KCNQ5: variants seen among roughly 807,000 people sequenced by gnomAD.
KCNQ5 encodes potassium voltage-gated channel subfamily KQT member 5.
Under a neutral mutation model 98.2 loss-of-function variants are expected in KCNQ5, and 30 were observed. The ratio of observed to expected loss-of-function variants is 0.31; its 90% CI spans 0.23 to 0.41. The LOEUF (loss-of-function observed/expected upper bound fraction) is 0.41, where lower values mean the gene tolerates loss of function less well. KCNQ5 is among the 10% of genes least tolerant of loss of function. The pLI is 1.00. For synonymous variants in KCNQ5, 458 were observed against 449.4 expected, an observed-to-expected ratio of 1.02 and a Z score of -0.24; for missense variants, 835 against 1,182.5, an observed-to-expected ratio of 0.71 and a Z score of 4.31.
chr6:73,035,200 T>A (rs7773521), intron 2 of KCNQ5, among the ~76,000 whole-genome samples: 1 of 151,990 alleles, frequency 6.6e-6, no homozygotes. Flanking sequence ...ATAAGAAAAT[T>A]CTTCTATGTT....
At chr6:73,090,642 T>C (rs112318467) in intron 5 of KCNQ5, among the ~76,000 whole-genome samples, 3 of 152,244 alleles carry the variant, frequency 2.0e-5, no homozygotes, top group Admixed American at 6.5e-5. Context: ...TAGCCAATTA[T>C]CCCAGCACCA....
chr6:73,095,240 T>A (rs762035227), intron 5 of KCNQ5, among the ~76,000 whole-genome samples: 26 of 152,202 alleles, frequency 1.7e-4, no homozygotes, highest in Non-Finnish European at 3.5e-4. Flanking sequence ...GCATTTTGCA[T>A]TTCTATAAGG....
intron 3 of KCNQ5, among the ~76,000 whole-genome samples, chr6:73,045,804 C>T (rs76192998): frequency 0.016 from 2,497 of 152,132 alleles, 62 homozygotes; most frequent in African/African-American, 0.056. Context: ...TCCTTGGTGA[C>T]GCTTTCCAAA....
At chr6:73,059,037 A>G (rs548438728) in intron 3 of KCNQ5, among the ~76,000 whole-genome samples, 2 of 152,366 alleles carry the variant, frequency 1.3e-5, no homozygotes, top group East Asian at 1.9e-4. Context: ...TGGAATTACC[A>G]TTTGACCCAG....
At chr6:72,792,857 C>T (rs1224537055) in intron 1 of KCNQ5, among the ~76,000 whole-genome samples, 1 of 152,012 alleles carries the variant, frequency 6.6e-6, no homozygotes, top group Non-Finnish European at 1.5e-5. Flanking sequence ...GACAGTAATA[C>T]CAGAGGAATT....
intron 10 of KCNQ5, among the ~76,000 whole-genome samples, chr6:73,149,531 C>T (rs1777058848): frequency 6.6e-6 from 1 of 152,142 alleles, no homozygotes; most frequent in South Asian, 2.1e-4. Flanking sequence ...GGTGTGGTGG[C>T]TCACGCCTGT....
chr6:72,810,169 T>C (rs1775174037), intron 1 of KCNQ5, among the ~76,000 whole-genome samples: 1 of 152,342 alleles, frequency 6.6e-6, no homozygotes, highest in Middle Eastern at 3.4e-3. Flanking sequence ...TATCATTTCC[T>C]TAAATGCTCC....
chr6:72,777,762 T>A (rs1266710119), intron 1 of KCNQ5, among the ~76,000 whole-genome samples: 2 of 152,196 alleles, frequency 1.3e-5, no homozygotes, highest in East Asian at 3.8e-4. Flanking sequence ...ACTCCTAGGC[T>A]ACAGAGCCTG....
chr6:72,651,160 AATTACCTG>A (rs1021881046), intron 1 of KCNQ5, among the ~76,000 whole-genome samples: 2 of 152,112 alleles, frequency 1.3e-5, no homozygotes, highest in African/African-American at 2.4e-5. Context: ...ATGGTATTAT[AATTACCTG>A]ATTACCTTTT....
intron 1 of KCNQ5, among the ~76,000 whole-genome samples, chr6:72,971,710 C>T (rs1767909411): frequency 1.3e-5 from 2 of 152,060 alleles, no homozygotes; most frequent in East Asian, 3.9e-4. Context: ...AAGCTGGAAA[C>T]CATCATTCTT....
chr6:72,651,648 A>G (rs1176467283), intron 1 of KCNQ5, among the ~76,000 whole-genome samples: 1 of 152,042 alleles, frequency 6.6e-6, no homozygotes, highest in African/African-American at 2.4e-5. Context: ...AAACACTCTA[A>G]TTTTGCAATG....
chr6:73,061,730 G>A (rs535138984), intron 3 of KCNQ5, among the ~76,000 whole-genome samples: 1 of 152,174 alleles, frequency 6.6e-6, no homozygotes, highest in East Asian at 1.9e-4. Flanking sequence ...AATTTTAGTT[G>A]TAACTTTTCA....
At chr6:72,869,258 A>C (rs1778109257) in intron 1 of KCNQ5, among the ~76,000 whole-genome samples, 1 of 152,172 alleles carries the variant, frequency 6.6e-6, no homozygotes, top group South Asian at 2.1e-4. Context: ...ATTTGTGATG[A>C]GGCTGTCTCC....
rs748716705 is a variant in KCNQ5, at chr6:73,169,706, C to T, written c.1469-40C>T. On this transcript the variant is annotated intron_variant, in intron 10 of 13. Transcript: ENST00000370398. ...AAATTCAGCAACATGTTTCAAATTG[C>T]GGATGGTGGTGTTATTTAACTGGCA... 3.1e-5 allele frequency: 43 copies of T among 1,378,322 alleles called. No homozygotes were observed. In the South Asian group the frequency reaches 4.2e-4, roughly 13 times the overall value. 85.4% of individuals were successfully genotyped at this position (1,378,322 alleles called of 1,614,324 possible).
chr6:73,127,225 A>G (rs1008715450), intron 9 of KCNQ5, among the ~76,000 whole-genome samples: 2 of 152,010 alleles, frequency 1.3e-5, no homozygotes, highest in African/African-American at 2.4e-5. Flanking sequence ...CTGGGTCCAG[A>G]GTATTGTTAA....
chr6:72,741,954 C>T (rs952694321), intron 1 of KCNQ5, among the ~76,000 whole-genome samples: 2 of 152,224 alleles, frequency 1.3e-5, no homozygotes, highest in Non-Finnish European at 2.9e-5. Context: ...TTAGGGGTCA[C>T]TTAATACCAG....
chr6:72,988,154 G>A (rs898686191), intron 1 of KCNQ5, among the ~76,000 whole-genome samples: 1 of 152,174 alleles, frequency 6.6e-6, no homozygotes, highest in Non-Finnish European at 1.5e-5. Flanking sequence ...GATGACCTTT[G>A]TTGAGTGTTT....
chr6:72,961,974 T>C (rs10943074), intron 1 of KCNQ5, among the ~76,000 whole-genome samples: 132,850 of 151,488 alleles, frequency 0.88, 58,615 homozygotes, highest in Non-Finnish European at 0.93. Context: ...TCCAGGAGTT[T>C]GAGATCAGCC....
At chr6:72,988,654 T>C (rs1768943256) in intron 1 of KCNQ5, among the ~76,000 whole-genome samples, 1 of 148,898 alleles carries the variant, frequency 6.7e-6, no homozygotes, top group Non-Finnish European at 1.5e-5. Flanking sequence ...ATTTTCTTTT[T>C]TTTTTTTTTT....
Sources: allele counts gnomAD v4.1 joint callset (sites outside exome capture counted in the v4.1 genomes callset), GRCh38; gene constraint gnomAD v4.1.1; transcripts MANE v1.5; gene names NCBI Gene and HGNC (gene_info 2026-07-23, HGNC 2026-07-21).